Variants in DECR1 observed in about 807,000 individuals in gnomAD.
DECR1 encodes 2,4-dienoyl-CoA reductase 1, also known as 2,4-dienoyl-CoA reductase [(3E)-enoyl-CoA-producing], mitochondrial.
Under a neutral mutation model 38.8 loss-of-function variants are expected in DECR1, and 44 were observed. The observed-to-expected ratio is 1.13, with a 90% CI of 0.89 to 1.46. The LOEUF is 1.46. Among genes scored for constraint, DECR1 ranks in the 40% most tolerant of loss-of-function variants. The pLI is 0.00. For missense variants in DECR1, 428 were observed against 405.5 expected (o/e 1.06, Z -0.48); for synonymous variants, 148 against 135.2 (o/e 1.09, Z -0.66).
intron 1 of DECR1, among the ~76,000 whole-genome samples, chr8:90,016,149 T>C (rs937243634): frequency 4.6e-5 from 7 of 152,304 alleles, no homozygotes; most frequent in African/African-American, 1.7e-4. Flanking sequence ...TTGATTTTCC[T>C]CCCATTTAAA....
intron 5 of DECR1, among the ~76,000 whole-genome samples, chr8:90,025,252 T>G (rs890778919): frequency 1.3e-5 from 2 of 152,254 alleles, no homozygotes; most frequent in African/African-American, 4.8e-5. Context: ...TTTCCAATTC[T>G]GTGAAGAAAG....
rs774532339 is a variant in DECR1 at position 90,051,629 on chromosome 8, C to G, written c.886-48C>G. On this transcript the variant is annotated intron_variant, in intron 8 of 9. Transcript: ENST00000220764. Reference sequence around the variant, plus strand: ...GGGAAAATGGCTAGTGGTTCAGAAACTTTTTAAAAGGAGTTAGTTTCAGAG... The same window carrying G: ...GGGAAAATGGCTAGTGGTTCAGAAAGTTTTTAAAAGGAGTTAGTTTCAGAG... The G allele has an allele frequency of 1.4e-5, 21 of 1,517,468 alleles. No homozygotes were observed. The African/African-American group carries it at 2.6e-4, about 19-fold the overall frequency. The allele number at this position is 1,517,468 out of a possible 1,614,324, so 94.0% of individuals were successfully genotyped here.
chr8:90,034,310 A>G lies in DECR1; in HGVS notation c.566-2531A>G, dbSNP rs532457382. Among the ~76,000 whole-genome samples the G allele has an allele frequency of 1.1e-3, 175 of 152,300 alleles. 1 individual carries two copies. Among genetic ancestry groups the G allele is most frequent in the African/African-American group, 4.1e-3 (169 of 41,574 alleles). ...GCTGTTATGTAAAAGATGTAAACTT[A>G]TTTTGATCCTTTTGCAAATATTAAG... On this transcript the variant is annotated intron_variant, in intron 5 of 9. Transcript: ENST00000220764.
At chr8:90,009,566 A>G (rs537492756) in intron 1 of DECR1, among the ~76,000 whole-genome samples, 29 of 152,112 alleles carry the variant, frequency 1.9e-4, no homozygotes, top group Non-Finnish European at 3.2e-4. Flanking sequence ...TATATGCTCA[A>G]TAAACACTTG....
chr8:90,044,161 C>T (rs1219367718), intron 7 of DECR1, among the ~76,000 whole-genome samples: 1 of 152,140 alleles, frequency 6.6e-6, no homozygotes, highest in Non-Finnish European at 1.5e-5. Flanking sequence ...TGTCTCTGGG[C>T]TTTATAACCT....
At chr8:90,016,581 G>A (rs1018012224) in intron 1 of DECR1, among the ~76,000 whole-genome samples, 3 of 152,188 alleles carry the variant, frequency 2.0e-5, no homozygotes, top group Non-Finnish European at 4.4e-5. Context: ...GGAGGTTGCA[G>A]TCAGCCAAGA....
chr8:90,004,442 C>G (rs1279124451), intron 1 of DECR1, among the ~76,000 whole-genome samples: 1 of 151,682 alleles, frequency 6.6e-6, no homozygotes, highest in Non-Finnish European at 1.5e-5. Flanking sequence ...ATACAGTTAA[C>G]AAAGTAAGAT....
chr8:90,043,327 T>A (rs1271986207), intron 7 of DECR1, among the ~76,000 whole-genome samples: 8 of 152,206 alleles, frequency 5.3e-5, no homozygotes, highest in African/African-American at 1.9e-4. Flanking sequence ...ATGTCTCTGA[T>A]TATAAGTCCT....
intron 7 of DECR1, among the ~76,000 whole-genome samples, chr8:90,043,639 A>AC (rs1429020885): frequency 6.6e-6 from 1 of 151,964 alleles, no homozygotes; most frequent in East Asian, 1.9e-4. Flanking sequence ...TGGGTATTAA[A>AC]AATAACTTGG....
At chr8:90,023,388 T>A (rs955425136) in intron 5 of DECR1, among the ~76,000 whole-genome samples, 10 of 130,398 alleles carry the variant, frequency 7.7e-5, no homozygotes, top group African/African-American at 3.0e-4. Context: ...GTTATTACAG[T>A]TTTTTTTTGT....
At chr8:90,013,586 G>T (rs1812939660) in intron 1 of DECR1, among the ~76,000 whole-genome samples, 1 of 151,984 alleles carries the variant, frequency 6.6e-6, no homozygotes, top group Non-Finnish European at 1.5e-5. Flanking sequence ...TCTCAAGGGG[G>T]CAGTCGTAGT....
chr8:90,042,470 TGTACA>T (rs1382109311), intron 6 of DECR1: 1 of 470,488 alleles, frequency 2.1e-6, no homozygotes, highest in African/African-American at 2.0e-5. Flanking sequence ...AAGGTTAGGT[TGTACA>T]GTAGAGTGAC....
At chr8:90,050,941 G>A (rs542745978) in intron 8 of DECR1, among the ~76,000 whole-genome samples, 16 of 152,080 alleles carry the variant, frequency 1.1e-4, no homozygotes, top group Non-Finnish European at 2.4e-4. Flanking sequence ...ACCAAACACC[G>A]CATGTTCTCA....
chr8:90,045,157 A>G (rs1813861108), intron 8 of DECR1, 162 bp downstream of exon 8: 4 of 500,994 alleles, frequency 8.0e-6, no homozygotes, highest in Admixed American at 3.3e-5. Context: ...TTAGCCTATG[A>G]CATTTATTCA....
intron 1 of DECR1, among the ~76,000 whole-genome samples, chr8:90,004,987 T>A (rs947457838): frequency 6.6e-6 from 1 of 152,166 alleles, no homozygotes; most frequent in Non-Finnish European, 1.5e-5. Context: ...TGACCCAAAC[T>A]GTACATACCT....
chr8:90,006,154 C>G (rs543765636), intron 1 of DECR1: 2 of 700,226 alleles, frequency 2.9e-6, no homozygotes, highest in Non-Finnish European at 2.6e-6. Context: ...AAGGGACAAA[C>G]ATCCAAACAT....
At chr8:90,032,328 A>G (rs1813518070) in intron 5 of DECR1, among the ~76,000 whole-genome samples, 1 of 152,100 alleles carries the variant, frequency 6.6e-6, no homozygotes, top group Admixed American at 6.6e-5. Flanking sequence ...ATACCACAAT[A>G]TGTCTTTCTC....
chr8:90,043,144 C>G (rs1278294802), intron 7 of DECR1, among the ~76,000 whole-genome samples: 1 of 152,028 alleles, frequency 6.6e-6, no homozygotes, highest in Non-Finnish European at 1.5e-5. Flanking sequence ...CCTACATTGT[C>G]TGACATCCTT....
intron 5 of DECR1, among the ~76,000 whole-genome samples, chr8:90,029,817 G>T (rs557108945): frequency 6.6e-6 from 1 of 152,034 alleles, no homozygotes; most frequent in African/African-American, 2.4e-5. Context: ...AGCCTGTCCA[G>T]TCTCTATACT....
Sources: allele counts gnomAD v4.1 joint callset (sites outside exome capture counted in the v4.1 genomes callset), GRCh38; gene constraint gnomAD v4.1.1; transcripts MANE v1.5; gene names NCBI Gene and HGNC (gene_info 2026-07-23, HGNC 2026-07-21).